EDAR: variants seen among roughly 807,000 people sequenced by gnomAD.
EDAR encodes ectodysplasin A receptor.
A neutral mutation model predicts 51.3 loss-of-function variants in EDAR; 38 were observed. That is an observed-to-expected ratio of 0.74 (90% CI 0.57 to 0.97). The LOEUF (loss-of-function observed/expected upper bound fraction) is 0.97. EDAR is among the 50% of genes least tolerant of loss of function. EDAR has a pLI of 0.00. For missense variants in EDAR, 528 were observed against 595.0 expected, an observed-to-expected ratio of 0.89 and a Z score of 1.17; for synonymous variants, 227 against 242.1, an observed-to-expected ratio of 0.94 and a Z score of 0.58.
At chr2:108,935,488 C>T (rs1163031911) in intron 1 of EDAR, among the ~76,000 whole-genome samples, 1 of 152,242 alleles carries the variant, frequency 6.6e-6, no homozygotes, top group East Asian at 1.9e-4. Context: ...TCTAGACGAT[C>T]TCCTAGCAAC....
At chr2:108,975,905 A>G (rs1391073101) in intron 1 of EDAR, among the ~76,000 whole-genome samples, 1 of 152,142 alleles carries the variant, frequency 6.6e-6, no homozygotes, top group East Asian at 1.9e-4. Context: ...GGGTGACTGA[A>G]TCATCTAGAC....
rs751600128 is a variant in EDAR, at chr2:108,929,368, G to A, written c.186C>T (p.Tyr62=). 1.2e-5 allele frequency: 20 copies of A among 1,613,908 alleles called. No individual in the cohort carries two copies. The East Asian group carries it at 1.8e-4, about 14-fold the overall frequency. ...AGCCGTAGTCCTCGTCTTTGGTGCC[G>A]TAGCCACAGGACTGTCCAGGGAAAG... ...PGEEPYLSCG[Y]GTKDEDYGCV... Residue 62 remains tyrosine (Y), a synonymous_variant, in exon 4 of 12, where the codon TAC becomes TAT. Coordinates refer to ENST00000258443, the MANE Select transcript of EDAR (RefSeq NM_022336.4).
chr2:108,962,470 G>A (rs1379646477), intron 1 of EDAR, among the ~76,000 whole-genome samples: 4 of 151,894 alleles, frequency 2.6e-5, no homozygotes, highest in African/African-American at 4.8e-5. Context: ...TCAGGAGATC[G>A]AGACCATCCT....
At chr2:108,965,728 A>G (rs2104420534) in intron 1 of EDAR, among the ~76,000 whole-genome samples, 1 of 151,702 alleles carries the variant, frequency 6.6e-6, no homozygotes, top group Middle Eastern at 3.4e-3. Flanking sequence ...GATGTAGGAG[A>G]GGTGTGACTG....
chr2:108,912,591 C>G, intron 6 of EDAR, 87 bp downstream of exon 6: 1 of 1,269,524 alleles, frequency 7.9e-7, no homozygotes, highest in Non-Finnish European at 1.1e-6. Flanking sequence ...CCATAATCAT[C>G]ACTCATGATC....
At chr2:108,927,389 G>A (rs928944359) in intron 4 of EDAR, among the ~76,000 whole-genome samples, 5 of 152,156 alleles carry the variant, frequency 3.3e-5, no homozygotes, top group Non-Finnish European at 5.9e-5. Context: ...GTCCACATTC[G>A]CCTGAATTCT....
intron 5 of EDAR, among the ~76,000 whole-genome samples, chr2:108,918,933 A>C (rs550068224): frequency 1.3e-5 from 2 of 152,288 alleles, no homozygotes; most frequent in South Asian, 4.1e-4. Context: ...CCCCAGTGGC[A>C]GATTCTGAAC....
Position 108,952,085 on chromosome 2 carries a change from A to G in EDAR, c.-18-21053T>C, listed in dbSNP as rs567820360. On this transcript the variant is annotated intron_variant, in intron 1 of 11. Transcript: ENST00000258443. ...TCATTTGTTTGTTTGACGGAAGGTC[A>G]AAAGGGAGAAATCACATTGCTAGTT... Among the ~76,000 whole-genome samples, 11 of 152,342 alleles carry G rather than the reference A, an allele frequency of 7.2e-5. No homozygotes were observed. The South Asian group carries it at 2.3e-3, about 32-fold the overall frequency.
intron 5 of EDAR, among the ~76,000 whole-genome samples, chr2:108,916,300 T>A (rs1697027336): frequency 6.6e-6 from 1 of 152,184 alleles, no homozygotes; most frequent in African/African-American, 2.4e-5. Context: ...CGCCTCTTCT[T>A]GTCCCTTCCT....
At chr2:108,978,748 G>T (rs1698373460) in intron 1 of EDAR, among the ~76,000 whole-genome samples, 1 of 152,180 alleles carries the variant, frequency 6.6e-6, no homozygotes, top group South Asian at 2.1e-4. Context: ...TGCAGGTTTT[G>T]GTATGGAGAC....
In EDAR at chr2:108,895,989, C is replaced by CACATTATA. The variant is rs1471588492; in HGVS notation, c.*910_*917dup. 6.6e-6 allele frequency: 1 copy of CACATTATA among 152,236 alleles called. No homozygotes were observed. Among genetic ancestry groups the CACATTATA allele is most frequent in the Non-Finnish European group, 1.5e-5 (1 of 68,044 alleles). 9.4% of individuals were successfully genotyped at this position (152,236 alleles called of 1,614,324 possible). On this transcript the variant is annotated 3_prime_UTR_variant, in exon 12 of 12. Coordinates refer to ENST00000258443, the MANE Select transcript of EDAR (RefSeq NM_022336.4). ...TGTTTGAAGTGAAAACACAGCCTGA[C>CACATTATA]ACATTATAATTTAAATTGCTGTGTC...
intron 1 of EDAR, among the ~76,000 whole-genome samples, chr2:108,954,116 C>G (rs910248479): frequency 6.6e-6 from 1 of 152,100 alleles, no homozygotes; most frequent in African/African-American, 2.4e-5. Context: ...AAGTAACGCA[C>G]CTTATCCACC....
At chr2:108,907,631 G>GCTCTCC (rs1696835711) in intron 10 of EDAR, among the ~76,000 whole-genome samples, 1 of 148,580 alleles carries the variant, frequency 6.7e-6, no homozygotes, top group Non-Finnish European at 1.5e-5. Flanking sequence ...CTGGGTGACA[G>GCTCTCC]AGCAAGACTC....
At chr2:108,912,274 G>A (rs1558803106) in intron 6 of EDAR, among the ~76,000 whole-genome samples, 1 of 152,210 alleles carries the variant, frequency 6.6e-6, no homozygotes, top group Non-Finnish European at 1.5e-5. Context: ...AGAATGAAAT[G>A]TACATTCTGC....
intron 1 of EDAR, among the ~76,000 whole-genome samples, chr2:108,955,793 G>A (rs1366944042): frequency 5.3e-5 from 8 of 152,202 alleles, no homozygotes; most frequent in African/African-American, 1.7e-4. Flanking sequence ...TTGGGAGGCC[G>A]AGGCGGGCAG....
intron 5 of EDAR, 45 bp from the exon 6 acceptor site, chr2:108,912,809 C>T (rs1254299173): frequency 2.0e-6 from 3 of 1,481,140 alleles, no homozygotes; most frequent in Non-Finnish European, 2.8e-6. Context: ...AGAAGCTCCA[C>T]CTTCAAAGAC....
At chr2:108,923,501 A>T in intron 4 of EDAR, 48 bp from the exon 5 acceptor site, 2 of 1,559,716 alleles carry the variant, frequency 1.3e-6, no homozygotes, top group Non-Finnish European at 1.8e-6. Context: ...GCTGGACAGC[A>T]CACAGGCAGG....
At chr2:108,930,353 G>A in intron 2 of EDAR, 111 bp from the exon 3 acceptor site, 1 of 1,232,480 alleles carries the variant, frequency 8.1e-7, no homozygotes, top group Non-Finnish European at 1.2e-6. Context: ...TGGGGGCTCT[G>A]CTGGGGGCTC....
chr2:108,970,485 G>A (rs982921814), intron 1 of EDAR, among the ~76,000 whole-genome samples: 1 of 152,280 alleles, frequency 6.6e-6, no homozygotes, highest in South Asian at 2.1e-4. Flanking sequence ...AAGGAGGGCA[G>A]GACACTGAGT....
Sources: gnomAD v4.1 joint callset for allele counts (sites outside exome capture counted in the v4.1 genomes callset) on GRCh38, gnomAD v4.1.1 for gene constraint, MANE v1.5 for transcripts, NCBI Gene and HGNC (gene_info 2026-07-23, HGNC 2026-07-21) for gene names.